PTPRJ: variants seen among roughly 807,000 people sequenced by gnomAD.
The protein encoded by PTPRJ is protein tyrosine phosphatase receptor type J.
In PTPRJ, 129 loss-of-function variants were observed where a neutral mutation model predicts 141.3. That is an observed-to-expected ratio of 0.91 (90% CI 0.79 to 1.06). PTPRJ has a LOEUF of 1.06. Among genes scored for constraint, PTPRJ ranks in the 50% least tolerant of loss-of-function variants. The pLI is 0.00. For missense variants in PTPRJ, 1,601 were observed against 1,679.7 expected (o/e 0.95, Z 0.82); for synonymous variants, 610 against 640.5 (o/e 0.95, Z 0.72).
intron 16 of PTPRJ, chr11:48,149,728 A>G (rs1260562710): frequency 7.4e-6 from 4 of 539,382 alleles, no homozygotes; most frequent in Non-Finnish European, 9.7e-6. Context: ...TTCTTGATTA[A>G]AAAAACGTCA....
At chr11:48,141,172 A>G (rs1401721588) in intron 11 of PTPRJ, among the ~76,000 whole-genome samples, 1 of 152,220 alleles carries the variant, frequency 6.6e-6, no homozygotes, top group Non-Finnish European at 1.5e-5. Flanking sequence ...ATCCCATCTC[A>G]TTTATTTTTT....
intron 1 of PTPRJ, among the ~76,000 whole-genome samples, chr11:48,096,104 C>T (rs1389455300): frequency 1.3e-5 from 2 of 152,222 alleles, no homozygotes; most frequent in East Asian, 1.9e-4. Context: ...CAGTTGATCA[C>T]AGTTCATTGC....
At chr11:48,139,876 G>A (rs1857193214) in intron 11 of PTPRJ, 100 bp downstream of exon 11, 1 of 1,235,422 alleles carries the variant, frequency 8.1e-7, no homozygotes. Context: ...ATCTGTTTTT[G>A]TTTTTTTATT....
In PTPRJ at chr11:48,131,430, A is replaced by C. The variant is rs1267258167; in HGVS notation, c.1615+714A>C. 3.9e-6 allele frequency: 3 copies of C among 762,548 alleles called. No homozygotes were observed. In the East Asian group the frequency reaches 7.4e-5, roughly 19 times the overall value. The allele number at this position is 762,548 out of a possible 1,614,324, so 47.2% of individuals were successfully genotyped here. A position where few individuals can be genotyped will look rare whatever the true frequency, so the allele number is the denominator to read the frequency against. On this transcript the variant is annotated intron_variant, in intron 8 of 24. Transcript: ENST00000418331. ...TCACAAACATTGAGGCCATCTGTAC[A>C]TGTGGTTTTGTAATCTGCCTTTTCC...
chr11:47,981,648 CT>C (rs1221616266), intron 1 of PTPRJ, among the ~76,000 whole-genome samples: 1 of 152,212 alleles, frequency 6.6e-6, no homozygotes, highest in Non-Finnish European at 1.5e-5. Flanking sequence ...TTAATTCGTG[CT>C]TTGTGGGCGC....
At chr11:48,122,146 C>T (rs1590528674) in intron 4 of PTPRJ, among the ~76,000 whole-genome samples, 1 of 152,084 alleles carries the variant, frequency 6.6e-6, no homozygotes, top group Non-Finnish European at 1.5e-5. Flanking sequence ...GTCACGGGCA[C>T]CCTGACAAAA....
At chr11:48,109,248 C>T (rs1316339909) in intron 1 of PTPRJ, among the ~76,000 whole-genome samples, 2 of 150,522 alleles carry the variant, frequency 1.3e-5, no homozygotes, top group Non-Finnish European at 3.0e-5. Context: ...CACCAGGGTC[C>T]TTTTTGATTA....
At chr11:48,109,137 T>G (rs868153356) in intron 1 of PTPRJ, among the ~76,000 whole-genome samples, 4 of 152,206 alleles carry the variant, frequency 2.6e-5, no homozygotes, top group Non-Finnish European at 4.4e-5. Context: ...AGAATCAGTT[T>G]CGAGAATGTG....
At chr11:48,052,912 G>A (rs1049896734) in intron 1 of PTPRJ, among the ~76,000 whole-genome samples, 2 of 151,260 alleles carry the variant, frequency 1.3e-5, no homozygotes, top group African/African-American at 2.4e-5. Context: ...GCCGCTAGGG[G>A]CCTGGCAGCC....
At chr11:48,149,360 A>T (rs1857423761) in intron 15 of PTPRJ, 87 bp from the exon 16 acceptor site, 1 of 894,010 alleles carries the variant, frequency 1.1e-6, no homozygotes. Flanking sequence ...CCTTTATTTC[A>T]TAGATGACAT....
chr11:48,127,459 C>G (rs1469780351), intron 6 of PTPRJ, among the ~76,000 whole-genome samples: 3 of 152,184 alleles, frequency 2.0e-5, no homozygotes, highest in Admixed American at 2.0e-4. Flanking sequence ...TGTTTGACAA[C>G]TTTTCTGGGT....
chr11:48,005,003 C>G (rs1410770909), intron 1 of PTPRJ, among the ~76,000 whole-genome samples: 1 of 152,058 alleles, frequency 6.6e-6, no homozygotes, highest in African/African-American at 2.4e-5. Flanking sequence ...GGGTGGATCA[C>G]TTGAGGTCAG....
intron 1 of PTPRJ, among the ~76,000 whole-genome samples, chr11:47,989,837 C>A (rs1854144844): frequency 6.6e-6 from 1 of 152,050 alleles, no homozygotes; most frequent in Non-Finnish European, 1.5e-5. Flanking sequence ...GAACAAGACT[C>A]CTTTGTTGGA....
intron 1 of PTPRJ, among the ~76,000 whole-genome samples, chr11:48,043,733 T>C (rs1182721299): frequency 6.6e-6 from 1 of 151,732 alleles, no homozygotes; most frequent in Non-Finnish European, 1.5e-5. Flanking sequence ...TGAGGAGGGG[T>C]CTGTGGGGTG....
intron 7 of PTPRJ, among the ~76,000 whole-genome samples, chr11:48,129,075 G>A (rs752267985): frequency 6.6e-6 from 1 of 152,214 alleles, no homozygotes; most frequent in Non-Finnish European, 1.5e-5. Flanking sequence ...CAGAAGCCCA[G>A]TGCTAGGCAG....
At chr11:48,103,652 A>G (rs1856211210) in intron 1 of PTPRJ, among the ~76,000 whole-genome samples, 1 of 152,226 alleles carries the variant, frequency 6.6e-6, no homozygotes, top group African/African-American at 2.4e-5. Context: ...GCTTTTATCC[A>G]GGTGTATACA....
chr11:48,159,094 T>TGGGG (rs3071025), intron 21 of PTPRJ, among the ~76,000 whole-genome samples: 1 of 141,876 alleles, frequency 7.0e-6, no homozygotes, highest in Admixed American at 6.9e-5. Flanking sequence ...TGTGTGTATG[T>TGGGG]GGGGTGTGTG....
intron 1 of PTPRJ, among the ~76,000 whole-genome samples, chr11:47,985,359 T>A (rs1854022922): frequency 1.3e-5 from 2 of 151,416 alleles, no homozygotes; most frequent in African/African-American, 4.9e-5. Context: ...TTGCCCAGTC[T>A]GGTCTTGAAC....
chr11:48,161,393 T>A (rs1857774369), intron 22 of PTPRJ, among the ~76,000 whole-genome samples: 1 of 152,060 alleles, frequency 6.6e-6, no homozygotes. Flanking sequence ...GGTTAGGGTC[T>A]AGTTTATGAG....
Sources: gnomAD v4.1 joint callset for allele counts (sites outside exome capture counted in the v4.1 genomes callset) on GRCh38, gnomAD v4.1.1 for gene constraint, MANE v1.5 for transcripts, NCBI Gene and HGNC (gene_info 2026-07-23, HGNC 2026-07-21) for gene names.